RORB: variants seen among roughly 807,000 people sequenced by gnomAD.
RORB encodes nuclear receptor ROR-beta.
Under a neutral mutation model 59.1 loss-of-function variants are expected in RORB, and 6 were observed. The observed-to-expected ratio is 0.10, with a 90% confidence interval of 0.06 to 0.20. RORB has a LOEUF of 0.20. Ranked by LOEUF, RORB falls within the 10% of genes least tolerant of loss-of-function variation. RORB has a pLI of 1.00. For synonymous variants in RORB, 215 were observed against 204.5 expected, an observed-to-expected ratio of 1.05 and a Z score of -0.44; for missense variants, 320 against 560.5, an observed-to-expected ratio of 0.57 and a Z score of 4.33.
At chr9:74,512,014 T>C (rs1181445968) in intron 1 of RORB, among the ~76,000 whole-genome samples, 1 of 151,874 alleles carries the variant, frequency 6.6e-6, no homozygotes, top group Non-Finnish European at 1.5e-5. Context: ...AAAAATGAAT[T>C]TAAAAAAACT....
At chr9:74,611,328 G>T (rs1356343603) in intron 1 of RORB, among the ~76,000 whole-genome samples, 1 of 152,174 alleles carries the variant, frequency 6.6e-6, no homozygotes, top group African/African-American at 2.4e-5. Flanking sequence ...AGGGGATGAA[G>T]GGACAGGTTG....
chr9:74,601,942 C>G (rs1823064027), intron 1 of RORB, among the ~76,000 whole-genome samples: 1 of 152,170 alleles, frequency 6.6e-6, no homozygotes, highest in Non-Finnish European at 1.5e-5. Flanking sequence ...AAGGAAACAC[C>G]TTAAAAGCAA....
chr9:74,663,316 G>A lies in RORB; in HGVS notation c.892+710G>A, dbSNP rs1824219426. 2.0e-5 allele frequency among the ~76,000 whole-genome samples: 3 copies of A among 152,088 alleles called. No individual in the cohort carries two copies. The South Asian group carries it at 6.2e-4, about 32-fold the overall frequency. Reference sequence around the variant, plus strand: ...TAAAATAACATACATATGTGTTTATGTTTCCCTATGACATCTCAAGTAATC... The same window carrying A: ...TAAAATAACATACATATGTGTTTATATTTCCCTATGACATCTCAAGTAATC... On this transcript the variant is annotated intron_variant, in intron 6 of 9. Coordinates refer to ENST00000376896, the MANE Select transcript of RORB (RefSeq NM_006914.4).
chr9:74,525,285 G>A (rs1252964613), intron 1 of RORB, among the ~76,000 whole-genome samples: 3 of 151,856 alleles, frequency 2.0e-5, no homozygotes, highest in Non-Finnish European at 2.9e-5. Context: ...AGGTTATATT[G>A]ATTTTTCATT....
At chr9:74,616,247 G>C (rs1169105678) in intron 1 of RORB, among the ~76,000 whole-genome samples, 1 of 151,864 alleles carries the variant, frequency 6.6e-6, no homozygotes, top group Non-Finnish European at 1.5e-5. Flanking sequence ...AATATTTCAG[G>C]GTAAAATGAT....
At chr9:74,518,898 T>C (rs1826047575) in intron 1 of RORB, among the ~76,000 whole-genome samples, 1 of 151,968 alleles carries the variant, frequency 6.6e-6, no homozygotes, top group Non-Finnish European at 1.5e-5. Flanking sequence ...CTCCAACTTG[T>C]TAGAATTACA....
At position 74,687,352 on chromosome 9, in the gene RORB, A is replaced by G. The variant is rs1032698823; in HGVS notation, c.*1734A>G. On this transcript the variant is annotated 3_prime_UTR_variant, in exon 10 of 10. Transcript: ENST00000376896. ...CAAACCCCTGCTTTGTAAAGTTTCC[A>G]TCAGTGGAAACTTTGATTTCTTTTT... is the stretch of plus-strand genomic sequence containing the variant. 6.6e-6 allele frequency: 1 copy of G among 152,070 alleles called. No individual in the cohort carries two copies. Among genetic ancestry groups the G allele is most frequent in the East Asian group, 1.9e-4 (1 of 5,168 alleles). The allele number at this position is 152,070 out of a possible 1,614,324, so 9.4% of individuals were successfully genotyped here.
chr9:74,524,614 G>A (rs1826130244), intron 1 of RORB, among the ~76,000 whole-genome samples: 1 of 151,714 alleles, frequency 6.6e-6, no homozygotes, highest in Non-Finnish European at 1.5e-5. Flanking sequence ...ATATGCCTGT[G>A]GTATCTTCTC....
chr9:74,497,825 GC>G lies in RORB; in HGVS notation c.-150del. On this transcript the variant is annotated 5_prime_UTR_variant, in exon 1 of 10. Transcript: ENST00000376896. ...CGGCGGCGGCAAACGTCACCCTGCA[GC>G]CACGGCGTCCGCCTAAAGGGATGGT... 1 of 841,450 alleles carries G rather than the reference GC, an allele frequency of 1.2e-6. No individual in the cohort carries two copies. Among genetic ancestry groups the G allele is most frequent in the Non-Finnish European group, 1.9e-6 (1 of 532,386 alleles). 52.1% of individuals were successfully genotyped at this position (841,450 alleles called of 1,614,324 possible). A position where few individuals can be genotyped will look rare whatever the true frequency, so the allele number is the denominator to read the frequency against.
intron 5 of RORB, among the ~76,000 whole-genome samples, chr9:74,661,141 T>G (rs947148063): frequency 7.2e-5 from 11 of 152,192 alleles, no homozygotes; most frequent in Non-Finnish European, 1.6e-4. Context: ...ACAGCAAATA[T>G]ATGGAACAAG....
intron 1 of RORB, among the ~76,000 whole-genome samples, chr9:74,624,718 T>G (rs1289454982): frequency 6.6e-6 from 1 of 152,110 alleles, no homozygotes; most frequent in Non-Finnish European, 1.5e-5. Context: ...CAAACAGAGA[T>G]TTTTAACTTG....
intron 1 of RORB, among the ~76,000 whole-genome samples, chr9:74,503,674 T>C (rs1318384637): frequency 6.6e-6 from 1 of 152,004 alleles, no homozygotes; most frequent in Non-Finnish European, 1.5e-5. Context: ...ATATTCCCTC[T>C]CAAATTAAGC....
intron 1 of RORB, among the ~76,000 whole-genome samples, chr9:74,516,824 T>A (rs958825521): frequency 1.3e-5 from 2 of 152,074 alleles, no homozygotes; most frequent in Non-Finnish European, 2.9e-5. Flanking sequence ...TATTTATATT[T>A]GTTTAGCACA....
At chr9:74,559,891 G>A (rs112541275) in intron 1 of RORB, among the ~76,000 whole-genome samples, 66 of 152,198 alleles carry the variant, frequency 4.3e-4, no homozygotes, top group Non-Finnish European at 8.7e-4. Flanking sequence ...GGACTCTCAG[G>A]ATATTTCAAG....
intron 1 of RORB, among the ~76,000 whole-genome samples, chr9:74,563,515 T>C (rs1222572180): frequency 6.6e-6 from 1 of 152,178 alleles, no homozygotes; most frequent in African/African-American, 2.4e-5. Context: ...ATTTCCTCAG[T>C]TCATTTTCTT....
intron 9 of RORB, among the ~76,000 whole-genome samples, chr9:74,676,208 C>T (rs1208248298): frequency 6.6e-6 from 1 of 152,180 alleles, no homozygotes; most frequent in Non-Finnish European, 1.5e-5. Flanking sequence ...TGGCCTTCCC[C>T]AGTCTAGCCC....
intron 4 of RORB, among the ~76,000 whole-genome samples, chr9:74,657,920 A>T (rs984237181): frequency 6.9e-6 from 1 of 144,172 alleles, no homozygotes; most frequent in Non-Finnish European, 1.5e-5. Context: ...CATGAGAATC[A>T]CTTGAACCTG....
At chr9:74,669,789 T>G (rs1824320781) in intron 8 of RORB, among the ~76,000 whole-genome samples, 1 of 152,162 alleles carries the variant, frequency 6.6e-6, no homozygotes, top group African/African-American at 2.4e-5. Context: ...TATTTTTCAA[T>G]GAAACTGGAA....
In RORB at chr9:74,502,116, T is replaced by C. The variant is rs115036411; in HGVS notation, c.7+4133T>C. ...AACATTTACTTATTTTGGCAGCAAT[T>C]TGATAATACTAAACTATGATCAGCC... On this transcript the variant is annotated intron_variant, in intron 1 of 9. Coordinates refer to ENST00000376896, the MANE Select transcript of RORB (RefSeq NM_006914.4). 6.1e-3 allele frequency among the ~76,000 whole-genome samples: 932 copies of C among 152,234 alleles called. 4 individuals are homozygous for C. The highest frequency in any genetic ancestry group is 0.022 in the African/African-American group (898 of 41,562).
Sources: allele counts gnomAD v4.1 joint callset (sites outside exome capture counted in the v4.1 genomes callset), GRCh38; gene constraint gnomAD v4.1.1; transcripts MANE v1.5; gene names NCBI Gene and HGNC (gene_info 2026-07-23, HGNC 2026-07-21).